RUNDC3B: variants seen among roughly 807,000 people sequenced by gnomAD.
RUNDC3B encodes RUN domain containing 3B.
In RUNDC3B, 33 loss-of-function variants were observed where a neutral mutation model predicts 58.4. That is an observed-to-expected ratio of 0.56 (90% CI 0.43 to 0.75). The LOEUF is 0.75. RUNDC3B is among the 30% of genes least tolerant of loss of function. RUNDC3B has a pLI of 0.00. For synonymous variants in RUNDC3B, 193 were observed against 195.2 expected (o/e 0.99, Z 0.10); for missense variants, 501 against 535.7 (o/e 0.94, Z 0.64).
chr7:87,811,875 G>A (rs558423833), intron 9 of RUNDC3B, among the ~76,000 whole-genome samples: 8 of 152,192 alleles, frequency 5.3e-5, no homozygotes, highest in African/African-American at 1.9e-4. Flanking sequence ...TGTAGCAAAT[G>A]ATTATTTTGT....
rs151257158 is a variant in RUNDC3B at position 87,673,783 on chromosome 7, T to A, written c.238+22846T>A. On this transcript the variant is annotated intron_variant, in intron 2 of 10. Transcript: ENST00000394654. ...TAGTTGTTTGGAGGTAATAAGACAC[T>A]CTGGCTGTTTGAGTTGCCAGAGGTC... Among the ~76,000 whole-genome samples, 3 of 152,326 alleles carry A rather than the reference T, an allele frequency of 2.0e-5. No individual in the cohort carries two copies. In the East Asian group the frequency reaches 5.8e-4, roughly 29 times the overall value.
intron 9 of RUNDC3B, among the ~76,000 whole-genome samples, chr7:87,811,061 AT>A (rs1292017398): frequency 2.0e-5 from 3 of 152,176 alleles, no homozygotes; most frequent in Non-Finnish European, 4.4e-5. Context: ...CTGTTTTAAT[AT>A]CTTTATATAT....
At chr7:87,808,258 C>T (rs941974194) in intron 9 of RUNDC3B, among the ~76,000 whole-genome samples, 8 of 151,606 alleles carry the variant, frequency 5.3e-5, no homozygotes, top group East Asian at 1.9e-4. Flanking sequence ...TCTCTTTTCT[C>T]GTATTTTCTC....
chr7:87,656,404 G>A (rs1824110188), intron 2 of RUNDC3B, among the ~76,000 whole-genome samples: 1 of 152,092 alleles, frequency 6.6e-6, no homozygotes, highest in Non-Finnish European at 1.5e-5. Context: ...GGTTGGTTGT[G>A]GGTAGGAGAA....
intron 3 of RUNDC3B, among the ~76,000 whole-genome samples, chr7:87,703,915 TTTTTTTTTTTTTTTTTTTTTTTTTTGA>T (rs1829357161): frequency 1.1e-4 from 2 of 18,542 alleles, no homozygotes; most frequent in South Asian, 2.2e-3. Flanking sequence ...TTTTTTTTGG[TTTTTTTTTTTTTTTTTTTTTTTTTTGA>T]GACAGTCTAG....
intron 4 of RUNDC3B, 137 bp from the exon 5 acceptor site, chr7:87,739,654 G>GAA: frequency 2.4e-6 from 1 of 413,242 alleles, no homozygotes; most frequent in Middle Eastern, 6.4e-4. Flanking sequence ...TTCAGTGATG[G>GAA]AAATATGTTT....
At chr7:87,727,569 G>A (rs1831311046) in intron 4 of RUNDC3B, among the ~76,000 whole-genome samples, 1 of 150,454 alleles carries the variant, frequency 6.6e-6, no homozygotes, top group Non-Finnish European at 1.5e-5. Context: ...CTGATTGCAT[G>A]CATCTGTCAT....
chr7:87,805,306 G>A (rs1293981686), intron 8 of RUNDC3B, among the ~76,000 whole-genome samples: 5 of 152,170 alleles, frequency 3.3e-5, no homozygotes, highest in Non-Finnish European at 1.5e-5. Flanking sequence ...AGTGATGAAA[G>A]AAAAGGCCTT....
chr7:87,648,500 T>C (rs1446893852), intron 1 of RUNDC3B, among the ~76,000 whole-genome samples: 1 of 151,406 alleles, frequency 6.6e-6, no homozygotes, highest in African/African-American at 2.4e-5. Flanking sequence ...TATTGGAAGC[T>C]AGTTCAAGAA....
intron 8 of RUNDC3B, among the ~76,000 whole-genome samples, chr7:87,795,382 C>G (rs2130913596): frequency 6.6e-6 from 1 of 152,258 alleles, no homozygotes; most frequent in African/African-American, 2.4e-5. Flanking sequence ...AAAAGGTGCT[C>G]AACATCACTG....
intron 6 of RUNDC3B, among the ~76,000 whole-genome samples, chr7:87,761,122 C>G (rs1053573443): frequency 7.9e-5 from 12 of 151,806 alleles, no homozygotes; most frequent in Admixed American, 1.3e-4. Flanking sequence ...ACTGCTACAA[C>G]TTGGCAACAC....
chr7:87,826,858 A>C (rs1837840913), intron 10 of RUNDC3B, among the ~76,000 whole-genome samples: 1 of 152,222 alleles, frequency 6.6e-6, no homozygotes, highest in Admixed American at 6.5e-5. Context: ...CCAGGCAAAA[A>C]GATGAAACAA....
At chr7:87,775,189 A>G (rs1434790935) in intron 7 of RUNDC3B, among the ~76,000 whole-genome samples, 2 of 152,216 alleles carry the variant, frequency 1.3e-5, no homozygotes, top group African/African-American at 4.8e-5. Flanking sequence ...AAGTCCTTGC[A>G]GTCAGACAAG....
intron 6 of RUNDC3B, among the ~76,000 whole-genome samples, chr7:87,759,648 A>C (rs548400099): frequency 6.6e-6 from 1 of 152,086 alleles, no homozygotes; most frequent in Non-Finnish European, 1.5e-5. Flanking sequence ...AAAATTAAAA[A>C]TTAGCCAGAT....
chr7:87,650,971 C>T, intron 2 of RUNDC3B, 34 bp downstream of exon 2: 1 of 1,241,194 alleles, frequency 8.1e-7, no homozygotes, highest in East Asian at 2.3e-5. Context: ...ATTTTCCCAC[C>T]AGCTGTCTTT....
intron 4 of RUNDC3B, among the ~76,000 whole-genome samples, chr7:87,721,490 A>G (rs543369311): frequency 1.3e-5 from 2 of 152,288 alleles, no homozygotes; most frequent in South Asian, 4.1e-4. Context: ...ACAGAAATAG[A>G]TGAACCAAAC....
chr7:87,666,187 G>C (rs541565319), intron 2 of RUNDC3B, among the ~76,000 whole-genome samples: 2 of 152,132 alleles, frequency 1.3e-5, no homozygotes, highest in South Asian at 4.1e-4. Context: ...CATTCTGACT[G>C]GTGTGAGATG....
At chr7:87,695,482 G>A (rs2130666883) in intron 2 of RUNDC3B, among the ~76,000 whole-genome samples, 1 of 152,152 alleles carries the variant, frequency 6.6e-6, no homozygotes, top group Admixed American at 6.5e-5. Flanking sequence ...GAAAGCTTTT[G>A]CAGTGACATC....
At chr7:87,697,886 T>C (rs556072810) in intron 2 of RUNDC3B, among the ~76,000 whole-genome samples, 2 of 152,236 alleles carry the variant, frequency 1.3e-5, no homozygotes, top group South Asian at 4.1e-4. Flanking sequence ...TCAAAGCCCA[T>C]GTTCTTAACC....
Sources: gnomAD v4.1 joint callset for allele counts (sites outside exome capture counted in the v4.1 genomes callset) on GRCh38, gnomAD v4.1.1 for gene constraint, MANE v1.5 for transcripts, NCBI Gene and HGNC (gene_info 2026-07-23, HGNC 2026-07-21) for gene names.